The following CELF4 variants were observed in gnomAD, a reference collection of about 807,000 sequenced individuals.
The protein encoded by CELF4 is CUGBP Elav-like family member 4, also known as CUG-BP- and ETR-3-like factor 4.
Under a neutral mutation model 59.9 loss-of-function variants are expected in CELF4, and 18 were observed. The observed-to-expected ratio is 0.30, with a 90% CI of 0.21 to 0.45. The LOEUF is 0.45. Among genes scored for constraint, CELF4 ranks in the 20% least tolerant of loss-of-function variants. The pLI, the probability that CELF4 is intolerant of heterozygous loss-of-function variation, is 1.00. For missense variants in CELF4, 456 were observed against 689.0 expected (o/e 0.66, Z 3.79); for synonymous variants, 261 against 267.1 (o/e 0.98, Z 0.22).
At chr18:37,434,718 T>C (rs1000744335) in intron 2 of CELF4, among the ~76,000 whole-genome samples, 1 of 152,060 alleles carries the variant, frequency 6.6e-6, no homozygotes, top group Non-Finnish European at 1.5e-5. Flanking sequence ...ACAGATGCGA[T>C]CAGTAAATAC....
chr18:37,523,413 A>G (rs1260426271), intron 1 of CELF4, among the ~76,000 whole-genome samples: 1 of 152,178 alleles, frequency 6.6e-6, no homozygotes, highest in African/African-American at 2.4e-5. Flanking sequence ...TCCATCTTTC[A>G]GCACCTGGTA....
At chr18:37,249,407 G>C (rs1227331534) in intron 12 of CELF4, among the ~76,000 whole-genome samples, 1 of 152,140 alleles carries the variant, frequency 6.6e-6, no homozygotes, top group Non-Finnish European at 1.5e-5. Flanking sequence ...CACTCTGCCT[G>C]CTCCTCTCCC....
intron 2 of CELF4, among the ~76,000 whole-genome samples, chr18:37,431,579 C>T (rs552863591): frequency 4.3e-4 from 65 of 152,116 alleles, no homozygotes; most frequent in African/African-American, 8.2e-4. Flanking sequence ...CCATGTTAGC[C>T]GGGATGGTCT....
intron 2 of CELF4, among the ~76,000 whole-genome samples, chr18:37,370,982 G>A (rs1410156620): frequency 6.6e-6 from 1 of 152,212 alleles, no homozygotes; most frequent in East Asian, 1.9e-4. Context: ...GCAGCCAAAT[G>A]CTGCTGGAGC....
At chr18:37,263,176 CTG>C (rs1404428801) in intron 10 of CELF4, among the ~76,000 whole-genome samples, 1 of 152,162 alleles carries the variant, frequency 6.6e-6, no homozygotes, top group Non-Finnish European at 1.5e-5. Flanking sequence ...TGTGAGGACA[CTG>C]AGGCTGAGGG....
intron 2 of CELF4, among the ~76,000 whole-genome samples, chr18:37,423,081 C>CACACACAG (rs767447762): frequency 1.1e-4 from 15 of 137,844 alleles, no homozygotes; most frequent in South Asian, 2.2e-4. Flanking sequence ...CACACACACA[C>CACACACAG]AGAGACAGAG....
chr18:37,504,296 G>C (rs545483267), intron 1 of CELF4, among the ~76,000 whole-genome samples: 2 of 152,030 alleles, frequency 1.3e-5, no homozygotes, highest in Non-Finnish European at 2.9e-5. Context: ...TTCAAGATCA[G>C]CCTGGCCAAC....
chr18:37,495,902 C>G (rs903996570), intron 1 of CELF4, among the ~76,000 whole-genome samples: 19 of 152,048 alleles, frequency 1.2e-4, no homozygotes, highest in African/African-American at 4.3e-4. Flanking sequence ...CTCTTATCTC[C>G]CATGAAAGGA....
At chr18:37,250,009 G>A (rs1386941526) in intron 12 of CELF4, among the ~76,000 whole-genome samples, 3 of 152,160 alleles carry the variant, frequency 2.0e-5, no homozygotes, top group Non-Finnish European at 4.4e-5. Flanking sequence ...TCCAGCCATA[G>A]AACTGGAGTG....
chr18:37,286,597 C>T (rs551305288), intron 3 of CELF4, among the ~76,000 whole-genome samples: 1 of 152,204 alleles, frequency 6.6e-6, no homozygotes, highest in Non-Finnish European at 1.5e-5. Context: ...GACAGTGGGG[C>T]TTGGCTTTCT....
intron 2 of CELF4, among the ~76,000 whole-genome samples, chr18:37,362,843 G>A (rs953230438): frequency 6.6e-6 from 1 of 152,034 alleles, no homozygotes; most frequent in Non-Finnish European, 1.5e-5. Flanking sequence ...TGCTCTACAC[G>A]TTTGCACACC....
intron 3 of CELF4, among the ~76,000 whole-genome samples, chr18:37,277,636 C>T (rs1185459351): frequency 1.3e-5 from 2 of 152,140 alleles, no homozygotes; most frequent in Non-Finnish European, 2.9e-5. Context: ...AGAGGAAAGA[C>T]TAGGGAGCCA....
At chr18:37,559,115 T>G (rs1568336837) in intron 1 of CELF4, among the ~76,000 whole-genome samples, 1 of 152,104 alleles carries the variant, frequency 6.6e-6, no homozygotes, top group Non-Finnish European at 1.5e-5. Context: ...CTTGGATCAC[T>G]GACAAATCCA....
intron 2 of CELF4, among the ~76,000 whole-genome samples, chr18:37,332,781 G>T (rs2097588781): frequency 6.6e-6 from 1 of 152,216 alleles, no homozygotes; most frequent in Non-Finnish European, 1.5e-5. Flanking sequence ...CACCAAGATG[G>T]AACTGGTGGA....
At position 37,461,388 on chromosome 18, in the gene CELF4, G is replaced by A. The variant is rs188153434; in HGVS notation, c.369+24137C>T. On this transcript the variant is annotated intron_variant, in intron 2 of 12. Coordinates refer to ENST00000420428, the MANE Select transcript of CELF4 (RefSeq NM_020180.4). The stretch of plus-strand genomic sequence containing the variant: ...TCATGGTGGAAGGGGAAGCAAACTC[G>A]TTCTTCAAATGTCAGCAGCAAGAAG... 2.8e-3 allele frequency among the ~76,000 whole-genome samples: 422 copies of A among 152,294 alleles called. 1 individual carries two copies. Among genetic ancestry groups the A allele is most frequent in the Non-Finnish European group, 4.2e-3 (285 of 68,030 alleles).
chr18:37,301,878 C>A (rs1169641564), intron 3 of CELF4, among the ~76,000 whole-genome samples: 1 of 152,174 alleles, frequency 6.6e-6, no homozygotes, highest in Non-Finnish European at 1.5e-5. Flanking sequence ...GTCCACGGAG[C>A]AGGTAGGTCT....
chr18:37,526,073 C>A (rs55927401), intron 1 of CELF4, among the ~76,000 whole-genome samples: 11,321 of 152,236 alleles, frequency 0.074, 631 homozygotes, highest in East Asian at 0.28. Context: ...CCCTGCAGTT[C>A]AGGAAGGTAG....
chr18:37,344,178 A>T (rs2098163451), intron 2 of CELF4, among the ~76,000 whole-genome samples: 1 of 152,178 alleles, frequency 6.6e-6, no homozygotes, highest in African/African-American at 2.4e-5. Context: ...GCAGGGTAGG[A>T]TGGGGCTGGG....
intron 3 of CELF4, among the ~76,000 whole-genome samples, chr18:37,283,342 C>G (rs1248741079): frequency 6.6e-6 from 1 of 152,004 alleles, no homozygotes; most frequent in African/African-American, 2.4e-5. Flanking sequence ...CAGACCCTGT[C>G]TCTCCCCTGC....
Sources: allele counts gnomAD v4.1 joint callset (sites outside exome capture counted in the v4.1 genomes callset), GRCh38; gene constraint gnomAD v4.1.1; transcripts MANE v1.5; gene names NCBI Gene and HGNC (gene_info 2026-07-23, HGNC 2026-07-21).